The following C2CD5 variants were observed in gnomAD, a reference collection of about 807,000 sequenced individuals.
C2CD5 encodes C2 calcium dependent domain containing 5.
A neutral mutation model predicts 130.3 loss-of-function variants in C2CD5; 109 were observed. That is an observed-to-expected ratio of 0.84 (90% confidence interval 0.72 to 0.98). The LOEUF (loss-of-function observed/expected upper bound fraction) is 0.98, where lower values mean the gene tolerates loss of function less well. C2CD5 is among the 50% of genes least tolerant of loss of function. C2CD5 has a pLI of 0.00. For missense variants in C2CD5, 996 were observed against 1,261.8 expected (o/e 0.79, Z 3.19); for synonymous variants, 454 against 429.2 (o/e 1.06, Z -0.71).
At chr12:22,489,023 C>T (rs1431674034) in intron 12 of C2CD5, among the ~76,000 whole-genome samples, 1 of 151,638 alleles carries the variant, frequency 6.6e-6, no homozygotes, top group Non-Finnish European at 1.5e-5. Context: ...TTAGAGGCGC[C>T]CACCATCACA....
At chr12:22,501,810 T>C (rs766636000) in intron 10 of C2CD5, among the ~76,000 whole-genome samples, 6 of 152,042 alleles carry the variant, frequency 3.9e-5, no homozygotes, top group African/African-American at 2.4e-5. Flanking sequence ...AACTTACATC[T>C]TGAACTCCTA....
At chr12:22,495,045 T>C (rs541300531) in intron 10 of C2CD5, among the ~76,000 whole-genome samples, 1 of 152,204 alleles carries the variant, frequency 6.6e-6, no homozygotes, top group East Asian at 1.9e-4. Flanking sequence ...GAGAAAATAA[T>C]TGTCACAACC....
intron 3 of C2CD5, 52 bp from the exon 4 acceptor site, chr12:22,527,944 C>T (rs757631526): frequency 8.9e-6 from 10 of 1,128,658 alleles, no homozygotes; most frequent in South Asian, 3.4e-5. Flanking sequence ...ATCTTAATTA[C>T]CACAAATGTA....
intron 10 of C2CD5, among the ~76,000 whole-genome samples, chr12:22,504,069 T>C (rs1476417942): frequency 6.6e-6 from 1 of 152,036 alleles, no homozygotes; most frequent in African/African-American, 2.4e-5. Context: ...CATTCTGTAA[T>C]AGGAATCATT....
chr12:22,525,529 T>G, intron 5 of C2CD5, 81 bp downstream of exon 5: 5 of 785,812 alleles, frequency 6.4e-6, no homozygotes, highest in Admixed American at 2.0e-5. Context: ...CTTTTCTACT[T>G]GCCTTCTGAA....
In C2CD5 at chr12:22,515,001, T is replaced by C; in HGVS notation, c.953-1622A>G. 2 of 985,332 alleles carry C rather than the reference T, an allele frequency of 2.0e-6. 1 individual carries two copies. 61.0% of individuals were successfully genotyped at this position (985,332 alleles called of 1,614,324 possible). On this transcript the variant is annotated intron_variant, in intron 8 of 26. Coordinates refer to ENST00000446597, the MANE Select transcript of C2CD5 (RefSeq NM_001286176.2). ...AGCTCTTCACTGAAAGAAACACTTT[T>C]CCTCAGAACTGGGCTGACAAGGCTA...
intron 12 of C2CD5, among the ~76,000 whole-genome samples, chr12:22,489,373 GTA>G (rs1453320488): frequency 6.6e-6 from 1 of 151,792 alleles, no homozygotes; most frequent in Non-Finnish European, 1.5e-5. Context: ...GGTTTGGCAT[GTA>G]TGGATTCAAC....
At chr12:22,533,545 T>C (rs1951519807) in intron 3 of C2CD5, among the ~76,000 whole-genome samples, 1 of 152,026 alleles carries the variant, frequency 6.6e-6, no homozygotes, top group African/African-American at 2.4e-5. Context: ...GGGCAGAAAC[T>C]GCAGGGAGGT....
At chr12:22,509,198 G>A (rs1367470228) in intron 9 of C2CD5, among the ~76,000 whole-genome samples, 1 of 152,140 alleles carries the variant, frequency 6.6e-6, no homozygotes, top group African/African-American at 2.4e-5. Context: ...TAAATATCTA[G>A]ACAAGAGATA....
chr12:22,486,053 G>T (rs1320884525), intron 12 of C2CD5, among the ~76,000 whole-genome samples: 4 of 151,912 alleles, frequency 2.6e-5, no homozygotes, highest in Admixed American at 2.6e-4. Flanking sequence ...GTTAAGTCCT[G>T]GTTTTCCTAA....
chr12:22,458,965 T>C (rs941430690), intron 23 of C2CD5: 2 of 158,308 alleles, frequency 1.3e-5, no homozygotes, highest in African/African-American at 4.8e-5. Flanking sequence ...CAAAGCTTTG[T>C]GAATAATTCA....
intron 2 of C2CD5, among the ~76,000 whole-genome samples, chr12:22,538,532 C>T (rs529642767): frequency 1.3e-5 from 2 of 152,156 alleles, no homozygotes; most frequent in Admixed American, 6.5e-5. Flanking sequence ...GGATGCAGAA[C>T]GCTGAGGATT....
intron 24 of C2CD5, among the ~76,000 whole-genome samples, chr12:22,457,516 A>G (rs1159295640): frequency 6.6e-6 from 1 of 152,144 alleles, no homozygotes; most frequent in Non-Finnish European, 1.5e-5. Context: ...AGAGTGTGAA[A>G]GTTGTTCTAT....
intron 10 of C2CD5, among the ~76,000 whole-genome samples, chr12:22,503,289 A>G (rs564658799): frequency 1.3e-5 from 2 of 152,330 alleles, no homozygotes; most frequent in African/African-American, 4.8e-5. Context: ...TCCATCGTTA[A>G]GTCTCCCTCA....
chr12:22,465,567 G>C (rs1456823449), intron 22 of C2CD5, among the ~76,000 whole-genome samples: 1 of 151,960 alleles, frequency 6.6e-6, no homozygotes, highest in Non-Finnish European at 1.5e-5. Context: ...AAATTCTTGA[G>C]ATAAACTGAA....
intron 9 of C2CD5, among the ~76,000 whole-genome samples, chr12:22,508,834 T>TA (rs1331345496): frequency 1.3e-5 from 2 of 151,934 alleles, no homozygotes; most frequent in Non-Finnish European, 2.9e-5. Flanking sequence ...TCTCACAGAA[T>TA]AAAAAATCAC....
At chr12:22,479,620 G>A (rs554998604) in intron 14 of C2CD5, among the ~76,000 whole-genome samples, 16 of 152,090 alleles carry the variant, frequency 1.1e-4, no homozygotes, top group African/African-American at 2.4e-4. Context: ...AAACCCAAAC[G>A]CATTTCACTA....
At chr12:22,472,696 A>G in intron 17 of C2CD5, 48 bp downstream of exon 17, 1 of 1,016,576 alleles carries the variant, frequency 9.8e-7, no homozygotes, top group East Asian at 2.4e-5. Context: ...GAGCTAAAAC[A>G]TTTATATGTA....
chr12:22,523,033 A>G (rs1950406875), intron 7 of C2CD5, among the ~76,000 whole-genome samples: 1 of 151,864 alleles, frequency 6.6e-6, no homozygotes, highest in African/African-American at 2.4e-5. Context: ...AGGCAACATG[A>G]CAAAACCCCA....
Sources: gnomAD v4.1 joint callset for allele counts (sites outside exome capture counted in the v4.1 genomes callset) on GRCh38, gnomAD v4.1.1 for gene constraint, MANE v1.5 for transcripts, NCBI Gene and HGNC (gene_info 2026-07-23, HGNC 2026-07-21) for gene names.